FGF12: variants seen among roughly 807,000 people sequenced by gnomAD.
FGF12 encodes the protein fibroblast growth factor 12B.
A neutral mutation model predicts 23.6 loss-of-function variants in FGF12; 14 were observed. That is an observed-to-expected ratio of 0.59 (90% CI 0.39 to 0.93). The LOEUF is 0.93. FGF12 is among the 40% of genes least tolerant of loss of function. The pLI is 0.00. For missense variants in FGF12, 175 were observed against 217.8 expected (o/e 0.80, Z 1.24); for synonymous variants, 62 against 77.3 (o/e 0.80, Z 1.04).
chr3:192,543,406 T>C (rs1725421220), intron 2 of FGF12, among the ~76,000 whole-genome samples: 1 of 151,904 alleles, frequency 6.6e-6, no homozygotes, highest in South Asian at 2.1e-4. Context: ...TTCAGGACAA[T>C]GGGATCCCCT....
Position 192,621,159 on chromosome 3 carries a change from G to C in FGF12, c.13+106022C>G, listed in dbSNP as rs139471916. On this transcript the variant is annotated intron_variant, in intron 2 of 5. Transcript: ENST00000445105. ...CACCCACCCCCAAAATGATATGTGC[G>C]CTTTTCCCTCACCTTTCCTGCCTGC... 3.3e-5 allele frequency among the ~76,000 whole-genome samples: 5 copies of C among 152,078 alleles called. No individual in the cohort carries two copies. In the East Asian group the frequency reaches 9.7e-4, roughly 29 times the overall value.
chr3:192,483,289 C>T (rs1442657540), intron 2 of FGF12, among the ~76,000 whole-genome samples: 2 of 152,158 alleles, frequency 1.3e-5, no homozygotes, highest in Non-Finnish European at 2.9e-5. Flanking sequence ...AATGCCCCCT[C>T]TTTCCTGGGG....
intron 4 of FGF12, among the ~76,000 whole-genome samples, chr3:192,219,444 G>T (rs554187608): frequency 5.1e-4 from 78 of 152,100 alleles, no homozygotes; most frequent in African/African-American, 1.8e-3. Context: ...CTGCCTAGTG[G>T]GATCACCTGA....
chr3:192,451,682 A>AT (rs958166366), intron 2 of FGF12, among the ~76,000 whole-genome samples: 4 of 152,176 alleles, frequency 2.6e-5, no homozygotes, highest in African/African-American at 9.7e-5. Flanking sequence ...TATATTTAGG[A>AT]TTTTGCACTT....
At chr3:192,185,854 G>A (rs1408904543) in intron 4 of FGF12, among the ~76,000 whole-genome samples, 9 of 147,168 alleles carry the variant, frequency 6.1e-5, no homozygotes, top group East Asian at 2.0e-4. Context: ...GCGAGGCTCC[G>A]TCTAAAAAAA....
rs1724041216 is a variant in FGF12, at chr3:192,498,989, G to GTT, written c.14-138452_14-138451insAA. 2.0e-5 allele frequency among the ~76,000 whole-genome samples: 3 copies of GTT among 152,264 alleles called. No individual in the cohort carries two copies. The South Asian group carries it at 6.2e-4, about 32-fold the overall frequency. On this transcript the variant is annotated intron_variant, in intron 2 of 5. Transcript: ENST00000445105. ...ATATACCTCTTACGCCAAAGAAGCT[G>GTT]TAAGATTCATGTTGGTATAATTTGC...
At chr3:192,532,780 A>T (rs1384829724) in intron 2 of FGF12, among the ~76,000 whole-genome samples, 1 of 152,220 alleles carries the variant, frequency 6.6e-6, no homozygotes, top group African/African-American at 2.4e-5. Flanking sequence ...ACATGAACAA[A>T]TATGAAATAA....
At position 192,205,430 on chromosome 3, in the gene FGF12, G is replaced by A. The variant is rs943235482; in HGVS notation, c.229-34774C>T. On this transcript the variant is annotated intron_variant, in intron 4 of 5. Transcript: ENST00000445105. The stretch of plus-strand genomic sequence containing the variant: ...GACCTAGGTCTTTGAGAGACGCAGC[G>A]TTCCTGAGGACAATCAATTCCCTTC... 2.6e-5 allele frequency among the ~76,000 whole-genome samples: 4 copies of A among 152,268 alleles called. No homozygotes were observed. In the South Asian group the frequency reaches 6.2e-4, roughly 24 times the overall value.
At chr3:192,460,704 A>C (rs531963105) in intron 2 of FGF12, among the ~76,000 whole-genome samples, 7 of 148,892 alleles carry the variant, frequency 4.7e-5, no homozygotes, top group African/African-American at 5.0e-5. Flanking sequence ...ATATATATAT[A>C]TCCACTTTGC....
At chr3:192,683,922 T>C (rs2108710999) in intron 2 of FGF12, among the ~76,000 whole-genome samples, 1 of 152,306 alleles carries the variant, frequency 6.6e-6, no homozygotes, top group Admixed American at 6.5e-5. Flanking sequence ...TAACTGATCA[T>C]AACCAGCAGA....
rs1460814450 is a variant in FGF12, at chr3:192,336,055, G to T, written c.125-591C>A. Reference sequence around the variant, plus strand: ...AACAGAGATAAACAGATGGACAGATGATTGATAGATAGCTTAAGCTGTAAT... The same window carrying T: ...AACAGAGATAAACAGATGGACAGATTATTGATAGATAGCTTAAGCTGTAAT... On this transcript the variant is annotated intron_variant, in intron 3 of 5. Transcript: ENST00000445105. This position sits in a 1 kb window ranked among gnomAD's most constrained non-coding sequence, Gnocchi z 4.3. Among the ~76,000 whole-genome samples the T allele has an allele frequency of 1.3e-5, 2 of 151,194 alleles. No homozygotes were observed. The highest frequency in any genetic ancestry group is 1.3e-4 in the Admixed American group (2 of 15,140).
intron 2 of FGF12, among the ~76,000 whole-genome samples, chr3:192,364,772 T>C (rs1718894311): frequency 6.6e-6 from 1 of 152,146 alleles, no homozygotes; most frequent in Non-Finnish European, 1.5e-5. Flanking sequence ...GTGAACTGAA[T>C]AAGAAATAAA....
At chr3:192,469,753 TG>T (rs1382342680) in intron 2 of FGF12, among the ~76,000 whole-genome samples, 1 of 152,154 alleles carries the variant, frequency 6.6e-6, no homozygotes, top group Non-Finnish European at 1.5e-5. Context: ...TGTCCATCAC[TG>T]GGGGATGGAA....
At chr3:192,640,739 G>C (rs1040859422) in intron 2 of FGF12, among the ~76,000 whole-genome samples, 4 of 152,078 alleles carry the variant, frequency 2.6e-5, no homozygotes, top group African/African-American at 9.7e-5. Flanking sequence ...GTGACCCATG[G>C]GCCAATTTTG....
At chr3:192,401,585 T>C (rs933827708) in intron 2 of FGF12, among the ~76,000 whole-genome samples, 1 of 152,214 alleles carries the variant, frequency 6.6e-6, no homozygotes, top group Non-Finnish European at 1.5e-5. Context: ...CCCTTGCTTC[T>C]ACTCTGCTTC....
chr3:192,586,865 A>G (rs1200703212), intron 2 of FGF12, among the ~76,000 whole-genome samples: 1 of 152,202 alleles, frequency 6.6e-6, no homozygotes, highest in Non-Finnish European at 1.5e-5. Flanking sequence ...AAGTCTTGTT[A>G]AAATTCTTTC....
At chr3:192,664,089 G>C (rs983405939) in intron 2 of FGF12, among the ~76,000 whole-genome samples, 5 of 152,332 alleles carry the variant, frequency 3.3e-5, no homozygotes, top group East Asian at 3.9e-4. Flanking sequence ...CTCAAGATAC[G>C]TGGAAGAGGA....
intron 4 of FGF12, among the ~76,000 whole-genome samples, chr3:192,292,272 T>C (rs1285161012): frequency 6.6e-6 from 1 of 152,186 alleles, no homozygotes; most frequent in Non-Finnish European, 1.5e-5. Flanking sequence ...ATTTTATTGG[T>C]CATTGTGTCA....
chr3:192,618,923 G>C (rs968739788), intron 2 of FGF12, among the ~76,000 whole-genome samples: 3 of 151,920 alleles, frequency 2.0e-5, no homozygotes, highest in Admixed American at 6.6e-5. Context: ...CAGTCGGATA[G>C]AGGTTCCAGC....
Sources: gnomAD v4.1 joint callset for allele counts (sites outside exome capture counted in the v4.1 genomes callset) on GRCh38, gnomAD v4.1.1 for gene constraint, Gnocchi (gnomAD v3.1) non-coding constraint, MANE v1.5 for transcripts, NCBI Gene and HGNC (gene_info 2026-07-23, HGNC 2026-07-21) for gene names.